NUP210L: variants seen among roughly 807,000 people sequenced by gnomAD.
NUP210L encodes nucleoporin 210 like.
NUP210L carries 74 observed loss-of-function variants against 208.5 expected under a neutral mutation model. The observed-to-expected ratio is 0.35, with a 90% confidence interval of 0.29 to 0.43. The LOEUF (loss-of-function observed/expected upper bound fraction) is 0.43, where lower values mean the gene tolerates loss of function less well. Ranked by LOEUF, NUP210L falls within the 20% of genes least tolerant of loss-of-function variation. NUP210L has a pLI of 1.00. For missense variants in NUP210L, 1,843 were observed against 2,289.4 expected (o/e 0.81, Z 3.98); for synonymous variants, 780 against 816.9 (o/e 0.95, Z 0.77).
chr1:154,094,919 A>G lies in NUP210L; in HGVS notation c.2187+16T>C. ...TATTACACTAAAGAAAATGTTATAAAAAACTGTTTTCCTACTTGTTCCCCT... is the reference window on the plus strand; with the variant it reads ...TATTACACTAAAGAAAATGTTATAAGAAACTGTTTTCCTACTTGTTCCCCT... On this transcript the variant is annotated intron_variant, in intron 15 of 39. Coordinates refer to ENST00000368559, the Ensembl canonical transcript of NUP210L. The G allele has an allele frequency of 6.3e-6, 10 of 1,594,322 alleles. No individual in the cohort carries two copies. The highest frequency in any genetic ancestry group is 8.6e-6 in the Non-Finnish European group (10 of 1,162,308).
At chr1:154,063,570 T>G (rs920947982) in intron 17 of NUP210L, among the ~76,000 whole-genome samples, 1 of 152,196 alleles carries the variant, frequency 6.6e-6, no homozygotes, top group Non-Finnish European at 1.5e-5. Context: ...CAGGCTTTGA[T>G]GTCAGGGAGT....
chr1:154,043,319 C>CT lies in NUP210L; in HGVS notation c.3696+2749dup, dbSNP rs963286051. On this transcript the variant is annotated intron_variant, in intron 27 of 39. Transcript: ENST00000368559. ...ACAGGCGTGAGCCACTGCACTCCGCCTTTTTTTTTTTTGAGATGGAGTTTC... is the reference window on the plus strand; with the variant it reads ...ACAGGCGTGAGCCACTGCACTCCGCCTTTTTTTTTTTTTGAGATGGAGTTTC... Among the ~76,000 whole-genome samples, 267 of 143,984 alleles carry CT rather than the reference C, an allele frequency of 1.9e-3. 1 individual carries two copies. The highest frequency in any genetic ancestry group is 4.8e-3 in the African/African-American group (189 of 39,448). The allele number at this position is 143,984 out of a possible 152,430, so 94.5% of individuals were successfully genotyped here.
chr1:154,020,600 C>A (rs1216457998), intron 32 of NUP210L, among the ~76,000 whole-genome samples: 2 of 152,132 alleles, frequency 1.3e-5, no homozygotes, highest in Non-Finnish European at 2.9e-5. Flanking sequence ...GATCTTGGCT[C>A]ACTGCAACCT....
exon 1 of NUP210L, chr1:154,154,880 C>G: frequency 6.2e-7 from 1 of 1,614,252 alleles, no homozygotes; most frequent in East Asian, 2.2e-5. Context: ...GCAGGAAAGG[C>G]ACCCGGCCTG....
At chr1:154,072,373 C>T (rs1341340857) in intron 16 of NUP210L, among the ~76,000 whole-genome samples, 2 of 124,480 alleles carry the variant, frequency 1.6e-5, no homozygotes, top group Admixed American at 1.1e-4. Flanking sequence ...CGCTCTGTTG[C>T]CCAGGCTAGA....
rs199577888 is a variant in NUP210L, at chr1:153,995,093, G to A, written c.5474C>T (p.Thr1825Ile). Reference sequence around the variant, plus strand: ...GACTCTACCTAGGAAGATGGAAGCTGTTGATGCCAGCACTGCAAAGAGGGT... The same window carrying A: ...GACTCTACCTAGGAAGATGGAAGCTATTGATGCCAGCACTGCAAAGAGGGT... Residue 1825 changes from threonine to isoleucine, a missense_variant, in exon 38 of 40, where the codon ACA (threonine) becomes ATA (isoleucine). By Grantham distance (89) the Thr-to-Ile change is moderately conservative (BLOSUM62 -1). Around this residue, in one of 5 missense-constraint regions of NUP210L, gnomAD observed 108 missense variants for 91.1 expected, o/e 1.18. Transcript: ENST00000368559. 1.0e-3 allele frequency: 1,648 copies of A among 1,611,980 alleles called. 16 individuals carry two copies. Among genetic ancestry groups the A allele is most frequent in the East Asian group, 6.2e-4 (28 of 44,864 alleles).
rs572613518 is a variant in NUP210L, at chr1:154,056,812, T to C, written c.3240+3A>G. On this transcript the variant is annotated splice_donor_region_variant and intron_variant, in intron 23 of 39. Coordinates refer to ENST00000368559, the Ensembl canonical transcript of NUP210L. ...CAAATTTTGGATGAGATAATTTCCTTACTTCAATGTGCCGAGGAGTTGATG... is the reference window on the plus strand; with the variant it reads ...CAAATTTTGGATGAGATAATTTCCTCACTTCAATGTGCCGAGGAGTTGATG... 27 of 1,558,358 alleles carry C rather than the reference T, an allele frequency of 1.7e-5. No individual in the cohort carries two copies. Among genetic ancestry groups the C allele is most frequent in the South Asian group, 7.4e-5 (6 of 81,330 alleles).
intron 34 of NUP210L, among the ~76,000 whole-genome samples, chr1:154,011,214 G>A (rs1017018260): frequency 2.0e-5 from 3 of 151,500 alleles, no homozygotes; most frequent in Admixed American, 6.6e-5. Context: ...GGCCAGGCAC[G>A]GTGGCTAGAT....
chr1:154,036,602 T>A (rs1652568889), intron 27 of NUP210L, among the ~76,000 whole-genome samples: 1 of 151,758 alleles, frequency 6.6e-6, no homozygotes, highest in African/African-American at 2.4e-5. Context: ...TGACCTCAAG[T>A]GATCCACCCA....
chr1:154,125,206 T>TA (rs1657823783), intron 10 of NUP210L, among the ~76,000 whole-genome samples: 1 of 151,540 alleles, frequency 6.6e-6, no homozygotes, highest in African/African-American at 2.4e-5. Flanking sequence ...TCCCAGCACT[T>TA]TGGGAGGGTG....
At chr1:154,062,499 A>C (rs1439438855) in intron 17 of NUP210L, among the ~76,000 whole-genome samples, 1 of 146,888 alleles carries the variant, frequency 6.8e-6, no homozygotes, top group Non-Finnish European at 1.5e-5. Flanking sequence ...TGCTTTAATC[A>C]TTCATTTTTC....
chr1:154,127,376 C>T (rs371483266), exon 9 of NUP210L: 1 of 1,607,248 alleles, frequency 6.2e-7, no homozygotes, highest in Non-Finnish European at 8.5e-7. Context: ...TATACCTGTC[C>T]CACCTCTAGA....
intron 35 of NUP210L, 121 bp from the exon 36 acceptor site, chr1:154,002,106 A>C (rs2147888999): frequency 9.9e-7 from 1 of 1,013,936 alleles, no homozygotes; most frequent in Non-Finnish European, 1.4e-6. Flanking sequence ...ATGTGAATTT[A>C]GTTTTGAGTA....
chr1:154,029,878 T>A lies in NUP210L; in HGVS notation c.3855+18A>T. 6.3e-7 allele frequency: 1 copy of A among 1,587,736 alleles called. No homozygotes were observed. The highest frequency in any genetic ancestry group is 8.6e-7 in the Non-Finnish European group (1 of 1,168,790). The stretch of plus-strand genomic sequence containing the variant: ...TATCCTTAATATACGAAAATAAGAT[T>A]TAGATTTGGAAGCTTACCAGGATCT... On this transcript the variant is annotated intron_variant, in intron 28 of 39. Transcript: ENST00000368559.
At chr1:154,131,623 T>C (rs1658258887) in intron 7 of NUP210L, among the ~76,000 whole-genome samples, 1 of 152,130 alleles carries the variant, frequency 6.6e-6, no homozygotes, top group African/African-American at 2.4e-5. Flanking sequence ...TTTGTCCTTA[T>C]GAAAGCCAAG....
At chr1:154,043,107 C>T (rs1444102732) in intron 27 of NUP210L, among the ~76,000 whole-genome samples, 4 of 149,002 alleles carry the variant, frequency 2.7e-5, no homozygotes, top group African/African-American at 9.9e-5. Flanking sequence ...GCAACTTCTG[C>T]CTCCCGGGTT....
chr1:154,153,005 C>T, intron 1 of NUP210L, 133 bp from the exon 2 acceptor site: 1 of 720,814 alleles, frequency 1.4e-6, no homozygotes, highest in South Asian at 2.0e-5. Context: ...AAAGAAGGAA[C>T]ATTGCTTAGG....
intron 27 of NUP210L, among the ~76,000 whole-genome samples, chr1:154,045,517 A>G (rs1432433100): frequency 6.6e-6 from 1 of 152,232 alleles, no homozygotes; most frequent in African/African-American, 2.4e-5. Flanking sequence ...ATCACTTTTG[A>G]GAGCTCTTTC....
intron 5 of NUP210L, among the ~76,000 whole-genome samples, chr1:154,139,403 G>T (rs1658716467): frequency 6.6e-6 from 1 of 152,154 alleles, no homozygotes; most frequent in Non-Finnish European, 1.5e-5. Flanking sequence ...ATTGTTTAAT[G>T]CTTACCTACT....
Sources: allele counts gnomAD v4.1 joint callset (sites outside exome capture counted in the v4.1 genomes callset), GRCh38; gene constraint gnomAD v4.1.1; regional missense constraint gnomAD v4.1.1; transcripts MANE v1.5; gene names NCBI Gene and HGNC (gene_info 2026-07-23, HGNC 2026-07-21).